Variants in TMEM271 observed in about 807,000 individuals in gnomAD.
The protein encoded by TMEM271 is transmembrane protein 271.
In TMEM271 at chr4:575,877, G is replaced by T. The variant is rs1577196808; in HGVS notation, c.186C>A (p.Leu62=). Residue 62 remains leucine (L), a synonymous_variant, in exon 1 of 1, where the codon CTC becomes CTA. Transcript: ENST00000610212. The part of the protein sequence containing the change: ...FYSGLLLAAG[L]SLLGAALLCC... ...AGAGCAGGGCGGCGCCGAGCAGTGA[G>T]AGGCCGGCGGCCAGCAGCAGCCCGG... 2 of 371,446 alleles carry T rather than the reference G, an allele frequency of 5.4e-6. No homozygotes were observed. Among genetic ancestry groups the T allele is most frequent in the South Asian group, 2.6e-4 (2 of 7,694 alleles). 23.0% of individuals were successfully genotyped at this position (371,446 alleles called of 1,614,324 possible).
At position 575,982 on chromosome 4, in the gene TMEM271, G is replaced by A. The variant is rs968567222; in HGVS notation, c.81C>T (p.Val27=). 1.9e-5 allele frequency: 7 copies of A among 367,434 alleles called. No individual in the cohort carries two copies. Among genetic ancestry groups the A allele is most frequent in the Admixed American group, 1.9e-4 (4 of 21,498 alleles). 22.8% of individuals were successfully genotyped at this position (367,434 alleles called of 1,614,324 possible). A position where few individuals can be genotyped will look rare whatever the true frequency, so the allele number is the denominator to read the frequency against. ...AGCCCAACGAGAAGCACTTGAGGCCGACGGCGGCGGCGCTGAGCGCGCAGG... is the reference window on the plus strand; with the variant it reads ...AGCCCAACGAGAAGCACTTGAGGCCAACGGCGGCGGCGCTGAGCGCGCAGG... The part of the protein sequence containing the change: ...LLACALSAAA[V]GLKCFSLGSE... The change falls in exon 1 of 1, where the codon GTC becomes GTT. Residue 27 remains valine, a synonymous_variant. Transcript: ENST00000610212.
rs1018125635 is a variant in TMEM271, at chr4:576,003, G to A, written c.60C>T (p.Cys20=). 8.3e-5 allele frequency: 30 copies of A among 360,470 alleles called. No homozygotes were observed. The highest frequency in any genetic ancestry group is 5.9e-4 in the East Asian group (15 of 25,226). 22.3% of individuals were successfully genotyped at this position (360,470 alleles called of 1,614,324 possible). ...GGCCGACGGCGGCGGCGCTGAGCGC[G>A]CAGGCGAGCAGGAGGCAGGAGGAGA... ...AALSSCLLLA[C]ALSAAAVGLK... The change falls in exon 1 of 1, where the codon TGC becomes TGT. Residue 20 remains cysteine, a synonymous_variant. Transcript: ENST00000610212.
In TMEM271 at chr4:574,944, G is replaced by A. The variant is rs1577196395; in HGVS notation, c.1119C>T (p.Cys373=). 1 of 396,894 alleles carries A rather than the reference G, an allele frequency of 2.5e-6. No individual in the cohort carries two copies. The highest frequency in any genetic ancestry group is 6.4e-4 in the Middle Eastern group (1 of 1,574). 24.6% of individuals were successfully genotyped at this position (396,894 alleles called of 1,614,324 possible). A position where few individuals can be genotyped will look rare whatever the true frequency, so the allele number is the denominator to read the frequency against. Reference sequence around the variant, plus strand: ...GGGTCTCCCAGGGCCGCGGCGTCTCGCAGGGCGGCCGGCAGCAGTAGGGGT... The same window carrying A: ...GGGTCTCCCAGGGCCGCGGCGTCTCACAGGGCGGCCGGCAGCAGTAGGGGT... The part of the protein sequence containing the change: ...ASYPYCCRPP[C]ETPRPWETHR... Residue 373 remains cysteine (C), a synonymous_variant, in exon 1 of 1, where the codon TGC becomes TGT. Coordinates refer to ENST00000610212, the MANE Select transcript of TMEM271 (RefSeq NM_001362796.2).
rs1328534651 is a variant in TMEM271 at position 575,205 on chromosome 4, C to A, written c.858G>T (p.Arg286=). Residue 286 remains arginine, a synonymous_variant, in exon 1 of 1, where the codon CGG becomes CGT. Coordinates refer to ENST00000610212, the MANE Select transcript of TMEM271 (RefSeq NM_001362796.2). Reference sequence around the variant, plus strand: ...GCCGCTGCTGCAGCCGCCGCCCCCGCCGGCCCCGCCGGCCCCGGCGCGCCC... The same window carrying A: ...GCCGCTGCTGCAGCCGCCGCCCCCGACGGCCCCGCCGGCCCCGGCGCGCCC... ...ASRARRGRRG[R]RGRRLQQRPS... 3.0e-6 allele frequency: 1 copy of A among 336,880 alleles called. No individual in the cohort carries two copies. Among genetic ancestry groups the A allele is most frequent in the Non-Finnish European group, 5.3e-6 (1 of 187,316 alleles). The allele number at this position is 336,880 out of a possible 1,614,324, so 20.9% of individuals were successfully genotyped here. A position where few individuals can be genotyped will look rare whatever the true frequency, so the allele number is the denominator to read the frequency against.
chr4:575,227 G>A lies in TMEM271; in HGVS notation c.836C>T (p.Ala279Val). The A allele has an allele frequency of 8.3e-6, 2 of 240,532 alleles. No individual in the cohort carries two copies. Among genetic ancestry groups the A allele is most frequent in the Non-Finnish European group, 1.6e-5 (2 of 125,832 alleles). The allele number at this position is 240,532 out of a possible 1,614,324, so 14.9% of individuals were successfully genotyped here. A position where few individuals can be genotyped will look rare whatever the true frequency, so the allele number is the denominator to read the frequency against. ...GLRAQPPASR[A>V]RRGRRGRRGR... ...CCGCCGGCCCCGCCGGCCCCGGCGC[G>A]CCCGAGAGGCGGGCGGCTGCGCGCG... is the stretch of plus-strand genomic sequence containing the variant. Residue 279 changes from alanine to valine, a missense_variant, in exon 1 of 1, where the codon GCG (alanine) becomes GTG (valine). By Grantham distance (64) the Ala-to-Val change is moderately conservative. Transcript: ENST00000610212.
In TMEM271 at chr4:574,137, C is replaced by G. The variant is rs990695326; in HGVS notation, c.*768G>C. On this transcript the variant is annotated 3_prime_UTR_variant, in exon 1 of 1. Coordinates refer to ENST00000610212, the MANE Select transcript of TMEM271 (RefSeq NM_001362796.2). ...TGTGGCATCAGGGTCTCTACACACA[C>G]AGAAAGTTAGCTTTAGAAAGAGGCT... 1 of 151,360 alleles carries G rather than the reference C, an allele frequency of 6.6e-6. No homozygotes were observed. The highest frequency in any genetic ancestry group is 1.5e-5 in the Non-Finnish European group (1 of 67,914). The allele number at this position is 151,360 out of a possible 1,614,324, so 9.4% of individuals were successfully genotyped here.
chr4:575,874 T>A lies in TMEM271; in HGVS notation c.189A>T (p.Ser63=). The change falls in exon 1 of 1, where the codon TCA becomes TCT. Residue 63 remains serine, a synonymous_variant. Coordinates refer to ENST00000610212, the MANE Select transcript of TMEM271 (RefSeq NM_001362796.2). The part of the protein sequence containing the change: ...YSGLLLAAGL[S]LLGAALLCCG... ...AGCAGAGCAGGGCGGCGCCGAGCAG[T>A]GAGAGGCCGGCGGCCAGCAGCAGCC... 1 of 369,708 alleles carries A rather than the reference T, an allele frequency of 2.7e-6. No individual in the cohort carries two copies. The allele number at this position is 369,708 out of a possible 1,614,324, so 22.9% of individuals were successfully genotyped here.
rs1732425476 is a variant in TMEM271, at chr4:575,842, G to C, written c.221C>G (p.Pro74Arg). ...CGACCCCGCGAGGGGCGCGTCCCGG[G>C]GTCCGCAGCAGAGCAGGGCGGCGCC... ...LLGAALLCCGPRDAPLAGSEP... is the reference protein window; with the variant it reads ...LLGAALLCCGRRDAPLAGSEP... Residue 74 changes from proline to arginine, a missense_variant, in exon 1 of 1, where the codon CCC (proline) becomes CGC (arginine). Pro to Arg is a moderately radical substitution (Grantham distance 103, BLOSUM62 -2). Transcript: ENST00000610212. 2.7e-6 allele frequency: 1 copy of C among 367,352 alleles called. No individual in the cohort carries two copies. The highest frequency in any genetic ancestry group is 1.3e-4 in the South Asian group (1 of 7,652). 22.8% of individuals were successfully genotyped at this position (367,352 alleles called of 1,614,324 possible). A position where few individuals can be genotyped will look rare whatever the true frequency, so the allele number is the denominator to read the frequency against.
At position 575,557 on chromosome 4, in the gene TMEM271, G is replaced by A. The variant is rs2109094587; in HGVS notation, c.506C>T (p.Ser169Leu). ...CGAGCCGGGGGTTGAGCCCGGGGCC[G>A]AGCCGGGGCTCGAACCTGGCGCCCG... The part of the protein sequence containing the change: ...PPRAPGSSPG[S>L]APGSTPGSAP... Residue 169 changes from serine to leucine, a missense_variant, in exon 1 of 1, where the codon TCG becomes TTG. Ser to Leu is a moderately radical substitution (Grantham distance 145). Transcript: ENST00000610212. 3.0e-6 allele frequency: 1 copy of A among 334,410 alleles called. No individual in the cohort carries two copies. Among genetic ancestry groups the A allele is most frequent in the East Asian group, 4.4e-5 (1 of 22,792 alleles). 20.7% of individuals were successfully genotyped at this position (334,410 alleles called of 1,614,324 possible).
chr4:575,042 C>T lies in TMEM271; in HGVS notation c.1021G>A (p.Val341Met). The T allele has an allele frequency of 2.5e-6, 1 of 397,162 alleles. No homozygotes were observed. The allele number at this position is 397,162 out of a possible 1,614,324, so 24.6% of individuals were successfully genotyped here. Residue 341 changes from valine to methionine, a missense_variant, in exon 1 of 1, where the codon GTG becomes ATG. Val to Met is a conservative substitution (Grantham distance 21). Coordinates refer to ENST00000610212, the MANE Select transcript of TMEM271 (RefSeq NM_001362796.2). Reference sequence around the variant, plus strand: ...ACCGACGGGTGCCCCCCGCAGCGCACCTCCGCGCCCGCCTCGTCCAGCGCG... The same window carrying T: ...ACCGACGGGTGCCCCCCGCAGCGCATCTCCGCGCCCGCCTCGTCCAGCGCG... ...LHALDEAGAEVRCGGHPSVEL... is the reference protein window; with the variant it reads ...LHALDEAGAEMRCGGHPSVEL...
rs1316467187 is a variant in TMEM271, at chr4:575,591, G to A, written c.472C>T (p.Leu158=). 1.1e-5 allele frequency: 4 copies of A among 349,698 alleles called. No homozygotes were observed. The highest frequency in any genetic ancestry group is 2.1e-5 in the Non-Finnish European group (4 of 194,442). The allele number at this position is 349,698 out of a possible 1,614,324, so 21.7% of individuals were successfully genotyped here. The change falls in exon 1 of 1, where the codon CTG becomes TTG. Residue 158 remains leucine, a synonymous_variant. Transcript: ENST00000610212. ...LVERKYSHYC[L]PPRAPGSSPG... ...CTCGAACCTGGCGCCCGCGGGGGCA[G>A]GCAGTAGTGCGAGTACTTGCGCTCC...
chr4:575,664 G>T lies in TMEM271; in HGVS notation c.399C>A (p.Leu133=). ...LGVLVFMLGV[L]SAFAGAVIDG... ...CGATCACGGCGCCCGCGAATGCGCT[G>T]AGGACCCCGAGCATGAAGACCAGGA... The change falls in exon 1 of 1, where the codon CTC becomes CTA. Residue 133 remains leucine, a synonymous_variant. Coordinates refer to ENST00000610212, the MANE Select transcript of TMEM271 (RefSeq NM_001362796.2). 1 of 360,710 alleles carries T rather than the reference G, an allele frequency of 2.8e-6. No homozygotes were observed. Among genetic ancestry groups the T allele is most frequent in the Admixed American group, 4.7e-5 (1 of 21,370 alleles). The allele number at this position is 360,710 out of a possible 1,614,324, so 22.3% of individuals were successfully genotyped here.
At position 574,774 on chromosome 4, in the gene TMEM271, AGGCGGCGCCCCTGAGGCCTGGCCCTG is replaced by A; in HGVS notation, c.*105_*130del. 1 of 392,170 alleles carries A rather than the reference AGGCGGCGCCCCTGAGGCCTGGCCCTG, an allele frequency of 2.5e-6. No homozygotes were observed. The highest frequency in any genetic ancestry group is 4.5e-6 in the Non-Finnish European group (1 of 222,272). The allele number at this position is 392,170 out of a possible 1,614,324, so 24.3% of individuals were successfully genotyped here. ...CGGAGGCTGCAAAGCCACGTGGAAG[AGGCGGCGCCCCTGAGGCCTGGCCCTG>A]GACCCCGCCCCGCTGCCCGTCCTCC... On this transcript the variant is annotated 3_prime_UTR_variant, in exon 1 of 1. Transcript: ENST00000610212.
chr4:576,209 G>A lies in TMEM271; in HGVS notation c.-147C>T. On this transcript the variant is annotated 5_prime_UTR_variant, in exon 1 of 1. Coordinates refer to ENST00000610212, the MANE Select transcript of TMEM271 (RefSeq NM_001362796.2). ...GTCCTCCCGGGCCCGCGCCGCCGCC[G>A]CCGGAGCCCGCATCCTCCGCCTCCC... is the stretch of plus-strand genomic sequence containing the variant. The A allele has an allele frequency of 7.1e-6, 1 of 140,926 alleles. No individual in the cohort carries two copies. The allele number at this position is 140,926 out of a possible 1,614,324, so 8.7% of individuals were successfully genotyped here. A position where few individuals can be genotyped will look rare whatever the true frequency, so the allele number is the denominator to read the frequency against.
In TMEM271 at chr4:575,756, C is replaced by T; in HGVS notation, c.307G>A (p.Gly103Ser). Residue 103 changes from glycine (G) to serine (S), a missense_variant, in exon 1 of 1, where the codon GGC (glycine) becomes AGC (serine). Coordinates refer to ENST00000610212, the MANE Select transcript of TMEM271 (RefSeq NM_001362796.2). ...APAGAPEATPGESGAAAGAPG... is the reference protein window; with the variant it reads ...APAGAPEATPSESGAAAGAPG... The stretch of plus-strand genomic sequence containing the variant: ...GCCCCGGCCGCGGCCCCCGACTCGC[C>T]CGGCGTGGCCTCGGGAGCGCCTGCC... 2.8e-6 allele frequency: 1 copy of T among 359,328 alleles called. No homozygotes were observed. The highest frequency in any genetic ancestry group is 5.0e-6 in the Non-Finnish European group (1 of 200,756). The allele number at this position is 359,328 out of a possible 1,614,324, so 22.3% of individuals were successfully genotyped here.
Position 575,166 on chromosome 4 carries a change from G to A in TMEM271, c.897C>T (p.Ser299=). The A allele has an allele frequency of 2.6e-6, 1 of 390,532 alleles. No homozygotes were observed. The highest frequency in any genetic ancestry group is 4.5e-6 in the Non-Finnish European group (1 of 221,586). The allele number at this position is 390,532 out of a possible 1,614,324, so 24.2% of individuals were successfully genotyped here. The change falls in exon 1 of 1, where the codon TCC becomes TCT. Residue 299 remains serine (S), a synonymous_variant. Coordinates refer to ENST00000610212, the MANE Select transcript of TMEM271 (RefSeq NM_001362796.2). ...RRLQQRPSEA[S]ILSPEESDLA... ...GGTCCGACTCCTCCGGGGACAGGAT[G>A]GAGGCCTCGCTCGGCCGCTGCTGCA... is the stretch of plus-strand genomic sequence containing the variant.
In TMEM271 at chr4:574,534, C is replaced by G. The variant is rs566187570; in HGVS notation, c.*371G>C. On this transcript the variant is annotated 3_prime_UTR_variant, in exon 1 of 1. Transcript: ENST00000610212. Reference sequence around the variant, plus strand: ...CGCCGTCCTGGGGCGCTCGCTCTGTCCCCCTCGCCTCGGACCACCAGGCAG... The same window carrying G: ...CGCCGTCCTGGGGCGCTCGCTCTGTGCCCCTCGCCTCGGACCACCAGGCAG... 45 of 184,358 alleles carry G rather than the reference C, an allele frequency of 2.4e-4. No individual in the cohort carries two copies. Among genetic ancestry groups the G allele is most frequent in the Admixed American group, 4.3e-4 (7 of 16,202 alleles). 11.4% of individuals were successfully genotyped at this position (184,358 alleles called of 1,614,324 possible).
In TMEM271 at chr4:574,294, T is replaced by C. The variant is rs1253507532; in HGVS notation, c.*611A>G. On this transcript the variant is annotated 3_prime_UTR_variant, in exon 1 of 1. Transcript: ENST00000610212. ...TTCCAATTTGATGAATATTCTCCAA[T>C]AACATAGCAATTAATTTAATAAAGG... 1 of 152,218 alleles carries C rather than the reference T, an allele frequency of 6.6e-6. No individual in the cohort carries two copies. The highest frequency in any genetic ancestry group is 1.5e-5 in the Non-Finnish European group (1 of 68,034). 9.4% of individuals were successfully genotyped at this position (152,218 alleles called of 1,614,324 possible).
chr4:575,447 C>A lies in TMEM271; in HGVS notation c.616G>T (p.Ala206Ser). The A allele has an allele frequency of 3.7e-6, 1 of 269,922 alleles. No individual in the cohort carries two copies. The highest frequency in any genetic ancestry group is 7.0e-6 in the Non-Finnish European group (1 of 143,522). The allele number at this position is 269,922 out of a possible 1,614,324, so 16.7% of individuals were successfully genotyped here. A position where few individuals can be genotyped will look rare whatever the true frequency, so the allele number is the denominator to read the frequency against. Reference sequence around the variant, plus strand: ...TAGTCCTTCAGCTGGCGGCACTTGGCGGACGTGGCGCTGTCCAGGGTGCTG... The same window carrying A: ...TAGTCCTTCAGCTGGCGGCACTTGGAGGACGTGGCGCTGTCCAGGGTGCTG... ...ARSTLDSATSAKCRQLKDYQR... is the reference protein window; with the variant it reads ...ARSTLDSATSSKCRQLKDYQR... Residue 206 changes from alanine to serine, a missense_variant, in exon 1 of 1, where the codon GCC becomes TCC. Physicochemically the swap from Ala to Ser is moderately conservative, Grantham distance 99 (BLOSUM62 1). Coordinates refer to ENST00000610212, the MANE Select transcript of TMEM271 (RefSeq NM_001362796.2).
Sources: allele counts gnomAD v4.1 joint callset, GRCh38; gene constraint gnomAD v4.1.1; transcripts MANE v1.5; gene names NCBI Gene and HGNC (gene_info 2026-07-23, HGNC 2026-07-21).